ABI2: variants seen among roughly 807,000 people sequenced by gnomAD.
ABI2 encodes the protein abl interactor 2.
In ABI2, 25 loss-of-function variants were observed where a neutral mutation model predicts 59.2. The ratio of observed to expected loss-of-function variants is 0.42; its 90% CI spans 0.31 to 0.59. ABI2 has a LOEUF of 0.59. ABI2 is among the 20% of genes least tolerant of loss of function. The probability of loss-of-function intolerance (pLI) is 0.14; values close to 1 mark genes in which losing one functional copy is unlikely to be tolerated. For synonymous variants in ABI2, 213 were observed against 235.5 expected, an observed-to-expected ratio of 0.90 and a Z score of 0.87; for missense variants, 545 against 681.8, an observed-to-expected ratio of 0.80 and a Z score of 2.23.
intron 2 of ABI2, among the ~76,000 whole-genome samples, chr2:203,373,334 G>A (rs902566768): frequency 9.2e-5 from 14 of 152,288 alleles, no homozygotes; most frequent in African/African-American, 3.1e-4. Context: ...GTGGCGGCGC[G>A]CGCCTGTAAT....
chr2:203,392,302 CCACCACCACCACCAACAA>C (rs1399075992), intron 5 of ABI2, among the ~76,000 whole-genome samples: 21 of 96,120 alleles, frequency 2.2e-4, no homozygotes, highest in Non-Finnish European at 4.1e-4. Context: ...ACCACCACCA[CCACCACCACCACCAACAA>C]CAACAACAAC....
intron 2 of ABI2, among the ~76,000 whole-genome samples, chr2:203,369,787 A>G (rs2094931843): frequency 1.3e-5 from 2 of 152,222 alleles, no homozygotes; most frequent in African/African-American, 2.4e-5. Context: ...AAGTTTATAC[A>G]GAATATAAAT....
intron 4 of ABI2, among the ~76,000 whole-genome samples, chr2:203,384,279 TTTTTGTTTTTG>T (rs1578311971): frequency 3.2e-5 from 1 of 30,826 alleles, no homozygotes; most frequent in Non-Finnish European, 8.0e-5. Flanking sequence ...CATACTCTTG[TTTTTGTTTTTG>T]TTTTTTTTTT....
In ABI2 at chr2:203,404,032, C is replaced by T. The variant is rs192762119; in HGVS notation, c.1192+1298C>T. Among the ~76,000 whole-genome samples, 13 of 152,008 alleles carry T rather than the reference C, an allele frequency of 8.6e-5. No individual in the cohort carries two copies. The East Asian group carries it at 2.1e-3, about 25-fold the overall frequency. Reference sequence around the variant, plus strand: ...CCTCCCAAAGTGCTGGGATTACAGGCGTGAGTCACCGTGCCTGGCCTAAGT... The same window carrying T: ...CCTCCCAAAGTGCTGGGATTACAGGTGTGAGTCACCGTGCCTGGCCTAAGT... On this transcript the variant is annotated intron_variant, in intron 9 of 11. Coordinates refer to ENST00000261018, the MANE Select transcript of ABI2 (RefSeq NM_001375670.1).
intron 4 of ABI2, among the ~76,000 whole-genome samples, chr2:203,383,734 G>T (rs1559287274): frequency 6.6e-6 from 1 of 152,130 alleles, no homozygotes; most frequent in African/African-American, 2.4e-5. Flanking sequence ...GTGGATTCTA[G>T]CAAGTGTCTT....
At chr2:203,373,368 C>T (rs1051239924) in intron 2 of ABI2, among the ~76,000 whole-genome samples, 22 of 152,284 alleles carry the variant, frequency 1.4e-4, no homozygotes, top group African/African-American at 5.1e-4. Context: ...CAGGCTGAGG[C>T]AGGAGAATCA....
chr2:203,356,048 T>G (rs2152825818), intron 1 of ABI2, among the ~76,000 whole-genome samples: 1 of 151,902 alleles, frequency 6.6e-6, no homozygotes, highest in East Asian at 1.9e-4. Context: ...TTGTATATAG[T>G]TTTTTTTCTC....
intron 9 of ABI2, among the ~76,000 whole-genome samples, chr2:203,410,861 A>G (rs1242938263): frequency 6.6e-6 from 1 of 152,042 alleles, no homozygotes; most frequent in Non-Finnish European, 1.5e-5. Flanking sequence ...GTAACCTTCC[A>G]AGGTAAAATT....
chr2:203,354,190 C>T (rs990656738), intron 1 of ABI2, among the ~76,000 whole-genome samples: 7 of 152,154 alleles, frequency 4.6e-5, no homozygotes, highest in East Asian at 1.9e-4. Flanking sequence ...ACTACAGGCA[C>T]GCTTCACCAC....
At chr2:203,394,660 C>G in intron 5 of ABI2, 40 bp from the exon 6 acceptor site, 1 of 1,577,610 alleles carries the variant, frequency 6.3e-7, no homozygotes, top group Non-Finnish European at 8.6e-7. Context: ...TGTGCCGAAA[C>G]TTGCTTAATC....
intron 2 of ABI2, among the ~76,000 whole-genome samples, chr2:203,372,646 G>A (rs1475789546): frequency 3.3e-5 from 5 of 151,452 alleles, no homozygotes; most frequent in South Asian, 2.1e-4. Context: ...GCAGCTGGCC[G>A]GGCAGAGGGG....
chr2:203,332,657 T>G (rs2152325562), intron 1 of ABI2, among the ~76,000 whole-genome samples: 1 of 152,276 alleles, frequency 6.6e-6, no homozygotes, highest in East Asian at 1.9e-4. Flanking sequence ...TAATGCCTAA[T>G]ATGTTTGAAG....
In ABI2 at chr2:203,405,873, G is replaced by A. The variant is rs2097404217; in HGVS notation, c.1192+3139G>A. 2.0e-5 allele frequency among the ~76,000 whole-genome samples: 3 copies of A among 152,090 alleles called. No individual in the cohort carries two copies. In the South Asian group the frequency reaches 6.2e-4, roughly 32 times the overall value. On this transcript the variant is annotated intron_variant, in intron 9 of 11. Transcript: ENST00000261018. ...TTTGTTAATGTACAATTTGATCTGA[G>A]TTTGAAAAAGGGCAATTATAACATA...
chr2:203,411,435 A>G, intron 10 of ABI2, 64 bp downstream of exon 10: 1 of 1,246,896 alleles, frequency 8.0e-7, no homozygotes, highest in Non-Finnish European at 1.2e-6. Flanking sequence ...TTTATATGTG[A>G]TTGACTGGAT....
chr2:203,359,854 GA>G (rs1186868024), intron 1 of ABI2, among the ~76,000 whole-genome samples: 1 of 147,974 alleles, frequency 6.8e-6, no homozygotes, highest in Admixed American at 6.8e-5. Flanking sequence ...TTGGGGGGGG[GA>G]CACAAAAATT....
intron 11 of ABI2, among the ~76,000 whole-genome samples, chr2:203,425,858 C>T (rs1374409017): frequency 6.6e-6 from 1 of 151,820 alleles, no homozygotes; most frequent in Non-Finnish European, 1.5e-5. Flanking sequence ...CCCGTCTCTA[C>T]TAAAAATACA....
At chr2:203,379,276 C>G (rs560781227) in intron 2 of ABI2, among the ~76,000 whole-genome samples, 1 of 152,326 alleles carries the variant, frequency 6.6e-6, no homozygotes, top group South Asian at 2.1e-4. Flanking sequence ...GACACAGGGT[C>G]TTGCTCTGTC....
intron 8 of ABI2, among the ~76,000 whole-genome samples, chr2:203,399,929 A>G (rs1230145032): frequency 6.6e-6 from 1 of 151,498 alleles, no homozygotes; most frequent in East Asian, 1.9e-4. Context: ...ATATCTAAGA[A>G]CTCTTTACCT....
chr2:203,422,090 G>A (rs1029988687), intron 11 of ABI2, among the ~76,000 whole-genome samples: 5 of 151,992 alleles, frequency 3.3e-5, no homozygotes, highest in Non-Finnish European at 7.4e-5. Context: ...GAGACGAGGA[G>A]TTCAAGACCA....
Sources: gnomAD v4.1 joint callset for allele counts (sites outside exome capture counted in the v4.1 genomes callset) on GRCh38, gnomAD v4.1.1 for gene constraint, MANE v1.5 for transcripts, NCBI Gene and HGNC (gene_info 2026-07-23, HGNC 2026-07-21) for gene names.